The following AKR1E2 variants were observed in gnomAD, a reference collection of about 807,000 sequenced individuals.
AKR1E2 encodes aldo-keto reductase family 1 member E2.
A neutral mutation model predicts 41.9 loss-of-function variants in AKR1E2; 43 were observed. The observed-to-expected ratio is 1.03, with a 90% CI of 0.80 to 1.32. AKR1E2 has a LOEUF of 1.32. Among genes scored for constraint, AKR1E2 ranks in the 40% most tolerant of loss-of-function variants. AKR1E2 has a pLI of 0.00. For synonymous variants in AKR1E2, 121 were observed against 138.9 expected (o/e 0.87, Z 0.91); for missense variants, 423 against 396.5 (o/e 1.07, Z -0.57).
intron 8 of AKR1E2, chr10:4,846,079 G>T (rs1834314346): frequency 5.3e-5 from 18 of 337,046 alleles, no homozygotes; most frequent in South Asian, 4.1e-4. Flanking sequence ...GAGTCTTCTA[G>T]AACTGCTTGC....
chr10:4,826,557 G>C (rs755262036), intron 1 of AKR1E2, among the ~76,000 whole-genome samples, 194 bp downstream of exon 1: 1 of 152,196 alleles, frequency 6.6e-6, no homozygotes, highest in Admixed American at 6.5e-5. Context: ...TCCTAAAACG[G>C]AGTCGGTGCT....
chr10:4,825,560 C>A (rs974627286), upstream of AKR1E2, among the ~76,000 whole-genome samples: 2 of 152,192 alleles, frequency 1.3e-5, no homozygotes, highest in African/African-American at 4.8e-5. Context: ...CCAGGACCCC[C>A]GCTGTCCTGC....
At chr10:4,862,013 T>C in the AKR1E2 span, among the ~76,000 whole-genome samples, 1 of 152,240 alleles carries the variant, frequency 6.6e-6, no homozygotes. Flanking sequence ...CCCATGCCTA[T>C]GTCCTGAATG....
the AKR1E2 span, among the ~76,000 whole-genome samples, chr10:4,856,721 C>T: frequency 1.3e-5 from 2 of 152,174 alleles, no homozygotes; most frequent in Non-Finnish European, 2.9e-5. Flanking sequence ...TATTAATACA[C>T]TAGTTGTTAC....
Position 4,842,431 on chromosome 10 carries a change from G to C in AKR1E2, c.764G>C (p.Arg255Pro), listed in dbSNP as rs143113841. The C allele has an allele frequency of 1.2e-6, 2 of 1,613,848 alleles. No homozygotes were observed. Among genetic ancestry groups the C allele is most frequent in the African/African-American group, 2.7e-5 (2 of 74,898 alleles). Residue 255 changes from arginine to proline, a missense_variant, in exon 8 of 10, where the codon CGA (arginine) becomes CCA (proline). Transcript: ENST00000298375. The part of the protein sequence containing the change: ...HGKSPAQILI[R>P]FQIQRNVIVI... Reference sequence around the variant, plus strand: ...TTTGTTTCCTTGCAGATTTTGATCCGATTTCAAATCCAGAGGAATGTGATA... The same window carrying C: ...TTTGTTTCCTTGCAGATTTTGATCCCATTTCAAATCCAGAGGAATGTGATA...
chr10:4,852,173 A>G (rs571732093), downstream of AKR1E2, among the ~76,000 whole-genome samples: 1 of 152,356 alleles, frequency 6.6e-6, no homozygotes, highest in East Asian at 1.9e-4. Context: ...TGGATTGGTG[A>G]GTCACACGAG....
Position 4,835,797 on chromosome 10 carries a change from G to A in AKR1E2, c.447G>A (p.Leu149=). ...TTATTCCCAGTGACACGGACTTCCT[G>A]GACACGTGGGAGGTGAGCTGAGCCA... The part of the protein sequence containing the change: ...NMVIPSDTDF[L]DTWEAMEDLV... Residue 149 remains leucine, a synonymous_variant, in exon 4 of 10, where the codon CTG becomes CTA. Transcript: ENST00000298375. 6.2e-7 allele frequency: 1 copy of A among 1,613,954 alleles called. No individual in the cohort carries two copies. Among genetic ancestry groups the A allele is most frequent in the Non-Finnish European group, 8.5e-7 (1 of 1,179,976 alleles).
downstream of AKR1E2, among the ~76,000 whole-genome samples, chr10:4,852,916 G>A (rs1834558763): frequency 6.6e-6 from 1 of 152,164 alleles, no homozygotes; most frequent in Non-Finnish European, 1.5e-5. Context: ...CCTTCTGTGT[G>A]TGTCTGTGAC....
At chr10:4,843,791 G>A (rs1172490480) in intron 8 of AKR1E2, among the ~76,000 whole-genome samples, 1 of 152,212 alleles carries the variant, frequency 6.6e-6, no homozygotes, top group Non-Finnish European at 1.5e-5. Flanking sequence ...TCTCCCTGCC[G>A]GGCCCTTGTC....
the AKR1E2 span, among the ~76,000 whole-genome samples, chr10:4,854,612 T>C: frequency 6.6e-6 from 1 of 152,116 alleles, no homozygotes; most frequent in African/African-American, 2.4e-5. Flanking sequence ...GTAACATTTT[T>C]CTCATGAACC....
the AKR1E2 span, among the ~76,000 whole-genome samples, chr10:4,870,096 C>G: frequency 6.6e-6 from 1 of 151,970 alleles, no homozygotes; most frequent in South Asian, 2.1e-4. Context: ...TGGTGTTTCT[C>G]TTTGTATAGC....
At chr10:4,857,446 G>T in the AKR1E2 span, among the ~76,000 whole-genome samples, 2 of 152,134 alleles carry the variant, frequency 1.3e-5, no homozygotes, top group African/African-American at 4.8e-5. Flanking sequence ...CCAACAATGT[G>T]AAGTGCCCCT....
chr10:4,828,038 C>G (rs1224673748), intron 1 of AKR1E2, among the ~76,000 whole-genome samples: 1 of 152,194 alleles, frequency 6.6e-6, no homozygotes, highest in African/African-American at 2.4e-5. Context: ...TATGCAAAGG[C>G]TTATTTTTAC....
At chr10:4,866,626 G>A in the AKR1E2 span, among the ~76,000 whole-genome samples, 33,933 of 149,004 alleles carry the variant, frequency 0.23, 4,113 homozygotes, top group Middle Eastern at 0.36. Context: ...TCAGGGAGCA[G>A]AGTTTTGTTT....
rs368225974 is a variant in AKR1E2 at position 4,826,258 on chromosome 10, A to G, written c.-67A>G. 2 of 1,202,638 alleles carry G rather than the reference A, an allele frequency of 1.7e-6. No individual in the cohort carries two copies. Among genetic ancestry groups the G allele is most frequent in the Non-Finnish European group, 2.1e-6 (2 of 960,582 alleles). 74.5% of individuals were successfully genotyped at this position (1,202,638 alleles called of 1,614,324 possible). ...AACGGCGGGTCGCCAGCGCCGCAGT[A>G]GCTCGCGCGGTGCCTGTCGGTAGTC... On this transcript the variant is annotated 5_prime_UTR_variant, in exon 1 of 10. Coordinates refer to ENST00000298375, the MANE Select transcript of AKR1E2 (RefSeq NM_001040177.3).
intron 7 of AKR1E2, 143 bp from the exon 8 acceptor site, chr10:4,842,278 G>A (rs1833951982): frequency 1.5e-6 from 1 of 677,522 alleles, no homozygotes; most frequent in East Asian, 2.7e-5. Flanking sequence ...TATTGACAGA[G>A]CTGCTCAGTG....
chr10:4,846,666 C>A (rs1042135186), intron 8 of AKR1E2, among the ~76,000 whole-genome samples: 3 of 151,994 alleles, frequency 2.0e-5, no homozygotes, highest in Non-Finnish European at 4.4e-5. Context: ...CTGCCTCAGC[C>A]TCCTGAATAG....
intron 6 of AKR1E2, among the ~76,000 whole-genome samples, chr10:4,840,376 T>C (rs1833779330): frequency 6.6e-6 from 1 of 152,248 alleles, no homozygotes; most frequent in South Asian, 2.1e-4. Flanking sequence ...ATTTCATTTC[T>C]GCCATCACTG....
At chr10:4,866,643 TTG>T in the AKR1E2 span, among the ~76,000 whole-genome samples, 281 of 121,066 alleles carry the variant, frequency 2.3e-3, 3 homozygotes, top group African/African-American at 7.9e-3. Flanking sequence ...GTTTTTGTTT[TTG>T]TTTTTTTTTT....
Sources: allele counts gnomAD v4.1 joint callset (sites outside exome capture counted in the v4.1 genomes callset), GRCh38; gene constraint gnomAD v4.1.1; transcripts MANE v1.5; gene names NCBI Gene and HGNC (gene_info 2026-07-23, HGNC 2026-07-21).